RIMS2: variants seen among roughly 807,000 people sequenced by gnomAD.
RIMS2 encodes regulating synaptic membrane exocytosis 2, also known as regulating synaptic membrane exocytosis protein 2.
A neutral mutation model predicts 174.4 loss-of-function variants in RIMS2; 59 were observed. The observed-to-expected ratio is 0.34, with a 90% CI of 0.27 to 0.42. The LOEUF (loss-of-function observed/expected upper bound fraction) is 0.42. Ranked by LOEUF, RIMS2 falls within the 10% of genes least tolerant of loss-of-function variation. The probability of loss-of-function intolerance (pLI) is 1.00; values close to 1 mark genes in which losing one functional copy is unlikely to be tolerated. For synonymous variants in RIMS2, 606 were observed against 572.5 expected (o/e 1.06, Z -0.84); for missense variants, 1,620 against 1,666.3 (o/e 0.97, Z 0.48).
rs530024116 is a variant in RIMS2, at chr8:103,697,299, A to G, written c.387+3A>G. The G allele has an allele frequency of 1.9e-6, 3 of 1,607,108 alleles. No homozygotes were observed. The highest frequency in any genetic ancestry group is 2.6e-6 in the Non-Finnish European group (3 of 1,173,622). ...GAGTGTCATTACGCTCAAACAAGGT[A>G]CAGAAATGAAAATTACAGTTCTCTT... is the stretch of plus-strand genomic sequence containing the variant. On this transcript the variant is annotated splice_donor_region_variant and intron_variant, in intron 2 of 23. Coordinates refer to ENST00000504942, the Ensembl canonical transcript of RIMS2.
At chr8:104,143,404 C>T (rs2098602074) in intron 19 of RIMS2, among the ~76,000 whole-genome samples, 3 of 151,808 alleles carry the variant, frequency 2.0e-5, no homozygotes, top group Admixed American at 2.0e-4. Context: ...TGTTTTTTTT[C>T]CTGCAAAGAA....
rs560232475 is a variant in RIMS2 at position 104,089,164 on chromosome 8, T to C, written c.3334+74549T>C. On this transcript the variant is annotated intron_variant, in intron 19 of 23. Coordinates refer to ENST00000504942, the Ensembl canonical transcript of RIMS2. ...GTTTTTGTTCCATTAAAGAGAATGGTTAACAGGCCATTCATTGTTCATCCA... is the reference window on the plus strand; with the variant it reads ...GTTTTTGTTCCATTAAAGAGAATGGCTAACAGGCCATTCATTGTTCATCCA... Among the ~76,000 whole-genome samples, 58 of 152,066 alleles carry C rather than the reference T, an allele frequency of 3.8e-4. No homozygotes were observed. The South Asian group carries it at 0.012, about 31-fold the overall frequency.
chr8:103,588,334 C>T (rs895183958), intron 1 of RIMS2, among the ~76,000 whole-genome samples: 3 of 151,718 alleles, frequency 2.0e-5, no homozygotes, highest in Non-Finnish European at 4.4e-5. Flanking sequence ...AACAATACAA[C>T]CCAAAGCAGT....
chr8:103,915,472 TA>T (rs747403654), intron 6 of RIMS2, 22 bp from the exon 10 acceptor site: 9 of 1,418,978 alleles, frequency 6.3e-6, no homozygotes, highest in African/African-American at 1.4e-5. Flanking sequence ...ATTCCCATGT[TA>T]ATACTTTCCT....
intron 19 of RIMS2, among the ~76,000 whole-genome samples, chr8:104,123,257 G>A (rs2098399965): frequency 6.6e-6 from 1 of 151,798 alleles, no homozygotes; most frequent in Non-Finnish European, 1.5e-5. Flanking sequence ...TATATGTAGA[G>A]GAAATGATCT....
intron 1 of RIMS2, among the ~76,000 whole-genome samples, chr8:103,519,294 ACT>A (rs1216995006): frequency 1.3e-5 from 2 of 152,078 alleles, no homozygotes; most frequent in African/African-American, 4.8e-5. Flanking sequence ...AAGACATAAA[ACT>A]CTCATTACTC....
At chr8:104,057,236 T>A (rs1218965372) in intron 19 of RIMS2, among the ~76,000 whole-genome samples, 1 of 151,824 alleles carries the variant, frequency 6.6e-6, no homozygotes, top group African/African-American at 2.4e-5. Flanking sequence ...CCAGCTAAAT[T>A]TTTTATTTTT....
chr8:103,590,546 A>T (rs2094202016), intron 1 of RIMS2, among the ~76,000 whole-genome samples: 2 of 151,220 alleles, frequency 1.3e-5, no homozygotes, highest in African/African-American at 4.8e-5. Context: ...GCATACAGAA[A>T]AGTTGAAAGA....
intron 2 of RIMS2, among the ~76,000 whole-genome samples, chr8:103,754,647 CTCT>C (rs1450189441): frequency 2.6e-5 from 4 of 152,196 alleles, no homozygotes. Context: ...GGATAGTTAG[CTCT>C]TCTTGTTGAA....
At chr8:103,989,396 G>T in exon 17 of RIMS2, 1 of 1,603,066 alleles carries the variant, frequency 6.2e-7, no homozygotes, top group South Asian at 1.1e-5. Flanking sequence ...TGTCATGGAT[G>T]ACCATTATTC....
intron 1 of RIMS2, among the ~76,000 whole-genome samples, chr8:103,607,496 G>C (rs544143053): frequency 6.6e-6 from 1 of 151,318 alleles, no homozygotes; most frequent in East Asian, 1.9e-4. Context: ...TGCTCTTCTT[G>C]AGGAGTATCT....
At chr8:103,581,118 G>T (rs548760396) in intron 1 of RIMS2, among the ~76,000 whole-genome samples, 46 of 152,052 alleles carry the variant, frequency 3.0e-4, no homozygotes, top group African/African-American at 1.1e-3. Flanking sequence ...ACACCTGGCC[G>T]AGAAGGGAAT....
At chr8:104,148,847 G>C in intron 19 of RIMS2, 2 of 1,595,970 alleles carry the variant, frequency 1.3e-6, no homozygotes, top group Non-Finnish European at 1.7e-6. Context: ...TCAGCCAAAC[G>C]GGTAGGAATT....
chr8:103,625,437 T>C (rs2095758779), intron 1 of RIMS2, among the ~76,000 whole-genome samples: 1 of 152,180 alleles, frequency 6.6e-6, no homozygotes, highest in Non-Finnish European at 1.5e-5. Flanking sequence ...CATTTAGCTT[T>C]TGTCTTTTTA....
chr8:104,078,863 G>A (rs375208222), intron 19 of RIMS2, among the ~76,000 whole-genome samples: 1 of 151,602 alleles, frequency 6.6e-6, no homozygotes, highest in South Asian at 2.1e-4. Context: ...AAATATTTTG[G>A]TTTTGTGTTT....
At chr8:103,806,739 A>G (rs1236211461) in intron 3 of RIMS2, among the ~76,000 whole-genome samples, 1 of 151,976 alleles carries the variant, frequency 6.6e-6, no homozygotes, top group Non-Finnish European at 1.5e-5. Context: ...AGATGGAACT[A>G]GAATTATAGT....
chr8:104,188,260 T>TAGATAGAG (rs1554594489), intron 19 of RIMS2, among the ~76,000 whole-genome samples: 4 of 147,558 alleles, frequency 2.7e-5, no homozygotes, highest in Non-Finnish European at 4.5e-5. Flanking sequence ...GATAGATAGA[T>TAGATAGAG]AGATAGATAG....
At chr8:103,839,119 T>A (rs1173043794) in intron 3 of RIMS2, among the ~76,000 whole-genome samples, 1 of 152,204 alleles carries the variant, frequency 6.6e-6, no homozygotes, top group African/African-American at 2.4e-5. Context: ...TCCTACTTTA[T>A]CCACTTTTCC....
intron 15 of RIMS2, among the ~76,000 whole-genome samples, chr8:103,962,817 G>A (rs976649682): frequency 2.0e-5 from 3 of 152,020 alleles, no homozygotes; most frequent in Admixed American, 1.3e-4. Flanking sequence ...ACTAGGGCAC[G>A]ATACCTATTG....
Sources: gnomAD v4.1 joint callset for allele counts (sites outside exome capture counted in the v4.1 genomes callset) on GRCh38, gnomAD v4.1.1 for gene constraint, MANE v1.5 for transcripts, NCBI Gene and HGNC (gene_info 2026-07-23, HGNC 2026-07-21) for gene names.